CTBP2: variants seen among roughly 807,000 people sequenced by gnomAD.
The protein encoded by CTBP2 is C-terminal-binding protein 2.
CTBP2 carries 30 observed loss-of-function variants against 80.3 expected under a neutral mutation model. That is an observed-to-expected ratio of 0.37 (90% CI 0.28 to 0.51). The LOEUF is 0.51. Ranked by LOEUF, CTBP2 falls within the 20% of genes least tolerant of loss-of-function variation. CTBP2 has a pLI of 0.93. For synonymous variants in CTBP2, 594 were observed against 587.4 expected (o/e 1.01, Z -0.16); for missense variants, 1,212 against 1,375.3 (o/e 0.88, Z 1.88).
Position 125,027,068 on chromosome 10 carries a change from C to T in CTBP2, c.692G>A (p.Cys231Tyr), listed in dbSNP as rs2134697794. The T allele has an allele frequency of 6.2e-7, 1 of 1,612,320 alleles. No individual in the cohort carries two copies. Among genetic ancestry groups the T allele is most frequent in the Non-Finnish European group, 8.5e-7 (1 of 1,178,910 alleles). ...AGCTGAACTGGGGTCCACAACCAGG[C>T]ACGTCGGGGCCACCTGTCTGGCAGG... is the stretch of plus-strand genomic sequence containing the variant. Residue 231 changes from cysteine to tyrosine, a missense_variant, in exon 1 of 9, where the codon TGC becomes TAC. This residue lies in a region of CTBP2 where 848 missense variants were observed against 782.3 expected (regional missense o/e 1.08). Transcript: ENST00000309035.
rs890563840 is a variant in CTBP2 at position 125,100,464 on chromosome 10, T to A, written c.-102+10526A>T. The A allele has an allele frequency of 1.3e-5, 2 of 152,148 alleles. 1 individual carries two copies. Among genetic ancestry groups the A allele is most frequent in the South Asian group, 4.1e-4 (2 of 4,822 alleles). The allele number at this position is 152,148 out of a possible 1,614,324, so 9.4% of individuals were successfully genotyped here. A position where few individuals can be genotyped will look rare whatever the true frequency, so the allele number is the denominator to read the frequency against. On this transcript the variant is annotated intron_variant, in intron 2 of 10. Transcript: ENST00000337195. ...CATGTGTGGAAAAGCAAGACAAGGCTACAACCCAGGGGCAAATACACGTGC... is the reference window on the plus strand; with the variant it reads ...CATGTGTGGAAAAGCAAGACAAGGCAACAACCCAGGGGCAAATACACGTGC...
chr10:125,129,569 T>C (rs1855811508), intron 1 of CTBP2, among the ~76,000 whole-genome samples: 1 of 152,172 alleles, frequency 6.6e-6, no homozygotes, highest in Admixed American at 6.5e-5. Flanking sequence ...CAGTGTGTCC[T>C]GCCGAACCCG....
At chr10:125,153,523 C>G (rs1047072084) in intron 1 of CTBP2, among the ~76,000 whole-genome samples, 3 of 152,194 alleles carry the variant, frequency 2.0e-5, no homozygotes, top group East Asian at 1.9e-4. Flanking sequence ...CCTTTCACCC[C>G]CTCCAGCAGA....
chr10:125,035,440 C>T (rs1313869785), intron 3 of CTBP2, among the ~76,000 whole-genome samples: 1 of 152,172 alleles, frequency 6.6e-6, no homozygotes, highest in Non-Finnish European at 1.5e-5. Flanking sequence ...ATACCATCCT[C>T]GGGGGACCAT....
chr10:125,091,265 A>G (rs1848722877), intron 2 of CTBP2, among the ~76,000 whole-genome samples: 1 of 151,934 alleles, frequency 6.6e-6, no homozygotes, highest in South Asian at 2.1e-4. Flanking sequence ...GAGTAACAGG[A>G]CTCCTTTCGG....
chr10:125,040,477 A>AAAG (rs36129503), intron 2 of CTBP2, among the ~76,000 whole-genome samples: 1 of 141,864 alleles, frequency 7.0e-6, no homozygotes, highest in African/African-American at 2.6e-5. Flanking sequence ...AAAAAAAAAA[A>AAAG]GGTGGCTTGA....
chr10:125,148,095 A>T (rs1045149743), intron 1 of CTBP2, among the ~76,000 whole-genome samples: 1 of 152,136 alleles, frequency 6.6e-6, no homozygotes, highest in Non-Finnish European at 1.5e-5. Flanking sequence ...CTTCTTTGCC[A>T]CACTTCCTTG....
chr10:125,062,935 A>T (rs1844037289), intron 2 of CTBP2, among the ~76,000 whole-genome samples: 1 of 152,238 alleles, frequency 6.6e-6, no homozygotes, highest in African/African-American at 2.4e-5. Context: ...CCGTTTTCCT[A>T]ATGGCCCCAA....
chr10:125,143,299 C>T (rs1307481176), intron 1 of CTBP2, among the ~76,000 whole-genome samples: 1 of 152,138 alleles, frequency 6.6e-6, no homozygotes, highest in Admixed American at 6.5e-5. Context: ...ACCAGCCTGA[C>T]CAACATGGTG....
At chr10:125,107,287 G>C (rs574672257) in intron 2 of CTBP2, among the ~76,000 whole-genome samples, 1 of 152,288 alleles carries the variant, frequency 6.6e-6, no homozygotes, top group Admixed American at 6.5e-5. Context: ...TTGTGGTTTC[G>C]GATGTTGGCA....
rs1198038249 is a variant in CTBP2 at position 124,993,320 on chromosome 10, C to G, written c.2541G>C (p.Gln847His). The change falls in exon 7 of 9, where the codon CAG becomes CAC. Residue 847 changes from glutamine (Q) to histidine (H), a missense_variant. Transcript: ENST00000309035. The stretch of plus-strand genomic sequence containing the variant: ...GATTCGGGGCATCTTTCAACGGACC[C>G]TGAGCAAAGCTAGAAAAATGTAGAA... 6.2e-7 allele frequency: 1 copy of G among 1,607,190 alleles called. No homozygotes were observed. Among genetic ancestry groups the G allele is most frequent in the East Asian group, 2.2e-5 (1 of 44,674 alleles).
At chr10:125,022,930 G>A (rs34260682) in intron 1 of CTBP2, among the ~76,000 whole-genome samples, 11,013 of 152,308 alleles carry the variant, frequency 0.072, 544 homozygotes, top group Admixed American at 0.15. Flanking sequence ...CGATGGCGGC[G>A]ACCCTCTATA....
chr10:125,058,249 A>G (rs1964332955), intron 2 of CTBP2, among the ~76,000 whole-genome samples: 2 of 152,014 alleles, frequency 1.3e-5, no homozygotes, highest in African/African-American at 2.4e-5. Flanking sequence ...CACCCACTAT[A>G]AAGAATACAG....
chr10:125,062,499 G>A (rs995743646), intron 2 of CTBP2, among the ~76,000 whole-genome samples: 12 of 152,218 alleles, frequency 7.9e-5, no homozygotes, highest in South Asian at 2.1e-4. Flanking sequence ...GCAGACACCC[G>A]CTGGCAGCAC....
At chr10:125,099,017 G>A (rs1850198556) in intron 2 of CTBP2, among the ~76,000 whole-genome samples, 1 of 152,188 alleles carries the variant, frequency 6.6e-6, no homozygotes, top group Admixed American at 6.5e-5. Context: ...TCCTTTCCAC[G>A]CGCTGTCGGT....
At chr10:125,128,981 A>G (rs545059263) in intron 1 of CTBP2, among the ~76,000 whole-genome samples, 1 of 152,350 alleles carries the variant, frequency 6.6e-6, no homozygotes, top group South Asian at 2.1e-4. Flanking sequence ...AAGGAACAAG[A>G]GAATAATCTG....
chr10:125,087,323 C>T (rs1428911682), intron 2 of CTBP2, among the ~76,000 whole-genome samples: 13 of 152,218 alleles, frequency 8.5e-5, no homozygotes, highest in Admixed American at 7.2e-4. Context: ...TCGCCCACCT[C>T]CAGCTCCCAA....
intron 1 of CTBP2, among the ~76,000 whole-genome samples, chr10:125,153,977 C>G (rs932872387): frequency 6.6e-6 from 1 of 152,226 alleles, no homozygotes; most frequent in East Asian, 1.9e-4. Context: ...TGTGACACAT[C>G]CTTTAACGTG....
intron 2 of CTBP2, among the ~76,000 whole-genome samples, chr10:125,104,028 C>T (rs1298467460): frequency 6.6e-6 from 1 of 152,182 alleles, no homozygotes; most frequent in Non-Finnish European, 1.5e-5. Context: ...GGGAAGGTGA[C>T]CACGGGAAAG....
Sources: gnomAD v4.1 joint callset for allele counts (sites outside exome capture counted in the v4.1 genomes callset) on GRCh38, gnomAD v4.1.1 for gene constraint, gnomAD v4.1.1 regional missense constraint, MANE v1.5 for transcripts, NCBI Gene and HGNC (gene_info 2026-07-23, HGNC 2026-07-21) for gene names.